VWC2L: variants seen among roughly 807,000 people sequenced by gnomAD.
VWC2L encodes von Willebrand factor C domain containing 2 like.
In VWC2L, 10 loss-of-function variants were observed where a neutral mutation model predicts 21.6. The ratio of observed to expected loss-of-function variants is 0.46; its 90% CI spans 0.29 to 0.78. The LOEUF is 0.78. Ranked by LOEUF, VWC2L falls within the 30% of genes least tolerant of loss-of-function variation. The pLI is 0.10. For missense variants in VWC2L, 209 were observed against 277.1 expected, an observed-to-expected ratio of 0.75 and a Z score of 1.74; for synonymous variants, 96 against 94.3, an observed-to-expected ratio of 1.02 and a Z score of -0.10.
intron 3 of VWC2L, among the ~76,000 whole-genome samples, chr2:214,506,947 G>T (rs1342861707): frequency 6.9e-6 from 1 of 144,226 alleles, no homozygotes; most frequent in African/African-American, 2.5e-5. Context: ...TTGTGTCTGG[G>T]TGGCTAAAAT....
intron 3 of VWC2L, among the ~76,000 whole-genome samples, chr2:214,523,804 C>T (rs10190655): frequency 0.043 from 6,600 of 152,210 alleles, 276 homozygotes; most frequent in African/African-American, 0.11. Context: ...CCTTGCAGTC[C>T]AGCCTGGGTG....
intron 3 of VWC2L, among the ~76,000 whole-genome samples, chr2:214,503,393 T>G (rs1019672611): frequency 6.6e-6 from 1 of 152,150 alleles, no homozygotes; most frequent in Non-Finnish European, 1.5e-5. Context: ...GAAAATGTTT[T>G]AATATGTAAT....
chr2:214,473,254 G>A (rs1703336757), intron 3 of VWC2L, among the ~76,000 whole-genome samples: 2 of 152,144 alleles, frequency 1.3e-5, no homozygotes, highest in African/African-American at 4.8e-5. Flanking sequence ...TACCTATTGT[G>A]TCAAAAATGT....
Position 214,414,191 on chromosome 2 carries a change from G to C in VWC2L, c.-3G>C. ...GCACATCCAGAAGTCTTTGAAGAGG[G>C]GGATGGCTCTTCATATTCATGAAGC... On this transcript the variant is annotated 5_prime_UTR_variant, in exon 2 of 4. Coordinates refer to ENST00000312504, the MANE Select transcript of VWC2L (RefSeq NM_001080500.4). The C allele has an allele frequency of 1.2e-6, 2 of 1,608,194 alleles. No homozygotes were observed. The highest frequency in any genetic ancestry group is 1.7e-6 in the Non-Finnish European group (2 of 1,178,626).
Position 214,575,873 on chromosome 2 carries a change from C to T in VWC2L, c.*53C>T, listed in dbSNP as rs1690222132. 3.8e-6 allele frequency: 6 copies of T among 1,567,374 alleles called. No individual in the cohort carries two copies. Among genetic ancestry groups the T allele is most frequent in the Non-Finnish European group, 4.4e-6 (5 of 1,148,464 alleles). On this transcript the variant is annotated 3_prime_UTR_variant, in exon 4 of 4. Coordinates refer to ENST00000312504, the MANE Select transcript of VWC2L (RefSeq NM_001080500.4). Reference sequence around the variant, plus strand: ...TTAGGAAAGGATGCTATGGCTTCAACACTGCACATGTTTAACACAAAACAA... The same window carrying T: ...TTAGGAAAGGATGCTATGGCTTCAATACTGCACATGTTTAACACAAAACAA...
chr2:214,412,943 CTTAT>C (rs1297462761), intron 1 of VWC2L, among the ~76,000 whole-genome samples: 2 of 151,988 alleles, frequency 1.3e-5, no homozygotes, highest in African/African-American at 2.4e-5. Flanking sequence ...AATACTTTTT[CTTAT>C]TTATTACTCC....
intron 3 of VWC2L, among the ~76,000 whole-genome samples, chr2:214,483,813 CAAGCCATGGTG>C (rs1156260460): frequency 1.3e-5 from 2 of 152,138 alleles, no homozygotes; most frequent in Non-Finnish European, 2.9e-5. Flanking sequence ...CTGCACAAGA[CAAGCCATGGTG>C]AAGCAGAAGG....
chr2:214,557,525 T>C (rs1160457280), intron 3 of VWC2L, among the ~76,000 whole-genome samples: 1 of 152,106 alleles, frequency 6.6e-6, no homozygotes, highest in Admixed American at 6.6e-5. Context: ...AGCCACCAAA[T>C]TGATACCACT....
chr2:214,507,835 T>C (rs1472519010), intron 3 of VWC2L, among the ~76,000 whole-genome samples: 1 of 152,180 alleles, frequency 6.6e-6, no homozygotes, highest in African/African-American at 2.4e-5. Context: ...TTCTGGGGAA[T>C]GGGTTTCAAG....
intron 3 of VWC2L, among the ~76,000 whole-genome samples, chr2:214,449,836 G>T (rs908337040): frequency 6.6e-6 from 1 of 152,192 alleles, no homozygotes; most frequent in East Asian, 1.9e-4. Context: ...GCTACTGTTT[G>T]TCAGGGTGGA....
chr2:214,445,971 T>C (rs952991724), intron 3 of VWC2L, among the ~76,000 whole-genome samples: 5 of 152,230 alleles, frequency 3.3e-5, no homozygotes, highest in Non-Finnish European at 5.9e-5. Context: ...GAAAGCCTCA[T>C]TGACCATTTT....
intron 3 of VWC2L, among the ~76,000 whole-genome samples, chr2:214,523,186 T>G (rs114745376): frequency 1.4e-4 from 21 of 152,352 alleles, no homozygotes; most frequent in Non-Finnish European, 2.5e-4. Context: ...AACTCCAGTC[T>G]CTGCTAATTG....
intron 3 of VWC2L, among the ~76,000 whole-genome samples, chr2:214,467,205 T>C (rs1434300744): frequency 6.6e-6 from 1 of 152,226 alleles, no homozygotes; most frequent in Non-Finnish European, 1.5e-5. Flanking sequence ...CTAATGTAGC[T>C]AGCTGGAACA....
intron 3 of VWC2L, among the ~76,000 whole-genome samples, chr2:214,474,213 A>G (rs1474898094): frequency 6.6e-6 from 1 of 152,186 alleles, no homozygotes; most frequent in Non-Finnish European, 1.5e-5. Context: ...ATTTTTCTTC[A>G]CTTTTTAAGA....
chr2:214,492,843 C>T (rs1224683307), intron 3 of VWC2L, among the ~76,000 whole-genome samples: 5 of 152,110 alleles, frequency 3.3e-5, no homozygotes, highest in African/African-American at 9.7e-5. Context: ...TATACTTGGA[C>T]TGGAGAAGAA....
intron 3 of VWC2L, among the ~76,000 whole-genome samples, chr2:214,470,861 G>T (rs924842251): frequency 7.5e-6 from 1 of 133,312 alleles, no homozygotes; most frequent in African/African-American, 2.8e-5. Flanking sequence ...AGGTTGCAGT[G>T]AGCCACGATT....
At chr2:214,551,815 G>C (rs1689799209) in intron 3 of VWC2L, among the ~76,000 whole-genome samples, 1 of 152,184 alleles carries the variant, frequency 6.6e-6, no homozygotes, top group African/African-American at 2.4e-5. Flanking sequence ...ATAGAAGCCA[G>C]GGTATTTCTC....
intron 3 of VWC2L, among the ~76,000 whole-genome samples, chr2:214,559,096 A>G (rs956519148): frequency 1.0e-4 from 15 of 150,690 alleles, no homozygotes; most frequent in African/African-American, 3.7e-4. Flanking sequence ...CATCTGACAA[A>G]GGGCTAATAT....
intron 3 of VWC2L, among the ~76,000 whole-genome samples, chr2:214,439,877 A>G (rs1203893736): frequency 6.6e-6 from 1 of 151,974 alleles, no homozygotes; most frequent in Admixed American, 6.6e-5. Flanking sequence ...CTGTTTACCA[A>G]TGAAAATAAA....
Sources: allele counts gnomAD v4.1 joint callset (sites outside exome capture counted in the v4.1 genomes callset), GRCh38; gene constraint gnomAD v4.1.1; transcripts MANE v1.5; gene names NCBI Gene and HGNC (gene_info 2026-07-23, HGNC 2026-07-21).